Variants in E2F2 observed in about 807,000 individuals in gnomAD.
E2F2 encodes the protein transcription factor E2F2.
In E2F2, 22 loss-of-function variants were observed where a neutral mutation model predicts 42.2. That is an observed-to-expected ratio of 0.52 (90% CI 0.37 to 0.74). The LOEUF is 0.74. E2F2 is among the 30% of genes least tolerant of loss of function. The pLI, the probability that E2F2 is intolerant of heterozygous loss-of-function variation, is 0.00. For missense variants in E2F2, 481 were observed against 557.8 expected, an observed-to-expected ratio of 0.86 and a Z score of 1.39; for synonymous variants, 248 against 251.6, an observed-to-expected ratio of 0.99 and a Z score of 0.13.
chr1:23,516,244 A>G (rs1288279180), intron 6 of E2F2, 91 bp downstream of exon 6: 15 of 1,384,860 alleles, frequency 1.1e-5, no homozygotes, highest in African/African-American at 1.5e-5. Flanking sequence ...TGCTGGATAA[A>G]ACAGGAGGTT....
rs765934794 is a variant in E2F2, at chr1:23,516,410, G to C, written c.970C>G (p.Leu324Val). Reference protein sequence around the residue: ...SEEPLPSTSTLCPSPDSAQPS... With the variant: ...SEEPLPSTSTVCPSPDSAQPS... ...TGGGCAGAGTCAGGGCTGGGGCAGA[G>C]GGTGGAGGTAGAGGGGAGAGGCTCC... The change falls in exon 6 of 7, where the codon CTC becomes GTC. Residue 324 changes from leucine to valine, a missense_variant. Leu to Val is a conservative substitution (Grantham distance 32). Coordinates refer to ENST00000361729, the MANE Select transcript of E2F2 (RefSeq NM_004091.4). 1 of 1,599,936 alleles carries C rather than the reference G, an allele frequency of 6.3e-7. No homozygotes were observed. The highest frequency in any genetic ancestry group is 8.5e-7 in the Non-Finnish European group (1 of 1,174,032).
intron 6 of E2F2, among the ~76,000 whole-genome samples, chr1:23,513,015 G>T (rs3218197): frequency 0.025 from 3,776 of 151,852 alleles, 164 homozygotes; most frequent in African/African-American, 0.085. Context: ...GTTTCATCGT[G>T]TTGGCCAGGC....
Position 23,530,957 on chromosome 1 carries a change from C to A in E2F2, c.-164G>T, listed in dbSNP as rs1297065473. The A allele has an allele frequency of 2.3e-6, 2 of 869,926 alleles. No individual in the cohort carries two copies. Among genetic ancestry groups the A allele is most frequent in the African/African-American group, 1.8e-5 (1 of 55,912 alleles). 53.9% of individuals were successfully genotyped at this position (869,926 alleles called of 1,614,324 possible). A position where few individuals can be genotyped will look rare whatever the true frequency, so the allele number is the denominator to read the frequency against. On this transcript the variant is annotated 5_prime_UTR_variant, in exon 1 of 7. Transcript: ENST00000361729. This position sits in a 1 kb window ranked among gnomAD's most constrained non-coding sequence, Gnocchi z 4.4. The stretch of plus-strand genomic sequence containing the variant: ...GGCCGGACCCTCCCCTCCTGGCCCG[C>A]GGCCGAGCAGAGAGCAGCGCTTAGA...
rs1642877677 is a variant in E2F2, at chr1:23,510,011, C to T, written c.1183G>A (p.Ala395Thr). Residue 395 changes from alanine (A) to threonine (T), a missense_variant, in exon 7 of 7, where the codon GCG becomes ACG. Transcript: ENST00000361729. ...AAGCTGATCAGAGGGGAGCTGCACG[C>T]CAGGGTCGGGGACAGGAACTGGTCC... ...TEDQFLSPTL[A>T]CSSPLISFSP... 1.9e-6 allele frequency: 3 copies of T among 1,613,616 alleles called. No homozygotes were observed. Among genetic ancestry groups the T allele is most frequent in the Admixed American group, 3.3e-5 (2 of 59,960 alleles).
At chr1:23,506,014 T>A (rs2148680715), downstream of E2F2, among the ~76,000 whole-genome samples, 1 of 152,296 alleles carries the variant, frequency 6.6e-6, no homozygotes, top group East Asian at 1.9e-4. Flanking sequence ...GCCAGACTGG[T>A]CTTGAACTCC....
chr1:23,521,750 CCACT>C lies in E2F2; in HGVS notation c.578+83_578+86del, dbSNP rs1035899854. 5.1e-6 allele frequency: 8 copies of C among 1,562,060 alleles called. No homozygotes were observed. The African/African-American group carries it at 8.1e-5, about 16-fold the overall frequency. ...GATGTTGCTCTCAGCCCCGCCCCTG[CCACT>C]CACACCCACTGGCTATTGCCTCTGG... On this transcript the variant is annotated intron_variant, in intron 3 of 6. Transcript: ENST00000361729.
At position 23,509,964 on chromosome 1, in the gene E2F2, G is replaced by A. The variant is rs764168899; in HGVS notation, c.1230C>T (p.Asp410=). The A allele has an allele frequency of 1.1e-4, 173 of 1,612,484 alleles. No individual in the cohort carries two copies. The Middle Eastern group carries it at 3.1e-3, about 29-fold the overall frequency. Residue 410 remains aspartate (D), a synonymous_variant, in exon 7 of 7, where the codon GAC becomes GAT. Coordinates refer to ENST00000361729, the MANE Select transcript of E2F2 (RefSeq NM_004091.4). ...CCGCCTCCAAGCCCCACAGGTAGTC[G>A]TCCTGGTCCAAGGATGGGGAGAAGC... ...LISFSPSLDQ[D]DYLWGLEAGE...
At chr1:23,528,582 A>G (rs906040862) in intron 1 of E2F2, among the ~76,000 whole-genome samples, 1 of 152,146 alleles carries the variant, frequency 6.6e-6, no homozygotes, top group Non-Finnish European at 1.5e-5. Flanking sequence ...CAGTTTCCTT[A>G]TCTGCAAGGT....
At chr1:23,524,095 C>CAAAAAA (rs1424181672) in intron 2 of E2F2, among the ~76,000 whole-genome samples, 1 of 116,634 alleles carries the variant, frequency 8.6e-6, no homozygotes, top group Non-Finnish European at 1.6e-5. Context: ...ACAACAACAA[C>CAAAAAA]AACAACAACA....
In E2F2 at chr1:23,509,553, C is replaced by G; in HGVS notation, c.*327G>C. 3.9e-6 allele frequency: 1 copy of G among 258,450 alleles called. No homozygotes were observed. Among genetic ancestry groups the G allele is most frequent in the Non-Finnish European group, 7.3e-6 (1 of 137,754 alleles). 16.0% of individuals were successfully genotyped at this position (258,450 alleles called of 1,614,324 possible). On this transcript the variant is annotated 3_prime_UTR_variant, in exon 7 of 7. Transcript: ENST00000361729. ...TGGTACGTCGAGGGTCCTAATTACCCCTCAAAAGGAGGTAGCAGGGCCTTT... is the reference window on the plus strand; with the variant it reads ...TGGTACGTCGAGGGTCCTAATTACCGCTCAAAAGGAGGTAGCAGGGCCTTT...
intron 5 of E2F2, among the ~76,000 whole-genome samples, 189 bp downstream of exon 5, chr1:23,518,821 ACTCAGT>A (rs1323534786): frequency 6.6e-6 from 1 of 152,102 alleles, no homozygotes; most frequent in Non-Finnish European, 1.5e-5. Context: ...TCAGGCCACT[ACTCAGT>A]CTCCGTTGCC....
At chr1:23,524,560 C>A in intron 1 of E2F2, 72 bp from the exon 2 acceptor site, 1 of 1,428,352 alleles carries the variant, frequency 7.0e-7, no homozygotes, top group East Asian at 2.5e-5. Flanking sequence ...TGATGTGGGG[C>A]CAAAGCAATG....
At chr1:23,521,473 C>A (rs1215543862) in intron 3 of E2F2, 6 of 886,100 alleles carry the variant, frequency 6.8e-6, no homozygotes, top group Non-Finnish European at 8.1e-6. Context: ...CCGGGATCCC[C>A]CTACTTAGCT....
intron 5 of E2F2, 28 bp downstream of exon 5, chr1:23,518,988 G>A (rs1194479576): frequency 6.3e-7 from 1 of 1,595,106 alleles, no homozygotes; most frequent in Non-Finnish European, 8.6e-7. Flanking sequence ...TCTCAACCCT[G>A]CTCTCCACCA....
intron 1 of E2F2, among the ~76,000 whole-genome samples, chr1:23,526,851 GCACACACACACACACACA>G (rs3221150): frequency 1.3e-5 from 2 of 148,722 alleles, no homozygotes; most frequent in Non-Finnish European, 3.0e-5. Flanking sequence ...GCATGTACTT[GCACACACACACACACACA>G]CACACACACA....
intron 4 of E2F2, 124 bp downstream of exon 4, chr1:23,520,789 G>T (rs2124240694): frequency 1.9e-6 from 2 of 1,036,320 alleles, no homozygotes; most frequent in South Asian, 3.6e-5. Context: ...GAGAAGAAAA[G>T]CCACCCAGGA....
At chr1:23,517,638 T>A (rs1643050292) in intron 5 of E2F2, among the ~76,000 whole-genome samples, 1 of 152,202 alleles carries the variant, frequency 6.6e-6, no homozygotes, top group South Asian at 2.1e-4. Flanking sequence ...CATTCTCTTG[T>A]GAAGCTTACA....
At chr1:23,527,234 C>T (rs1404682565) in intron 1 of E2F2, among the ~76,000 whole-genome samples, 2 of 152,214 alleles carry the variant, frequency 1.3e-5, no homozygotes. Flanking sequence ...AAGCGCTTTG[C>T]CCATAGGGAG....
intron 4 of E2F2, among the ~76,000 whole-genome samples, 161 bp downstream of exon 4, chr1:23,520,748 AAAAT>A (rs1397737069): frequency 2.6e-5 from 4 of 152,242 alleles, no homozygotes; most frequent in Non-Finnish European, 5.9e-5. Context: ...GTCTCTAAAA[AAAAT>A]AAATAAATAA....
Sources: allele counts gnomAD v4.1 joint callset (sites outside exome capture counted in the v4.1 genomes callset), GRCh38; gene constraint gnomAD v4.1.1; non-coding constraint Gnocchi (gnomAD v3.1); transcripts MANE v1.5; gene names NCBI Gene and HGNC (gene_info 2026-07-23, HGNC 2026-07-21).